Variants in MITF observed in about 807,000 individuals in gnomAD.
MITF encodes microphthalmia-associated transcription factor.
A neutral mutation model predicts 60.5 loss-of-function variants in MITF; 17 were observed. The ratio of observed to expected loss-of-function variants is 0.28; its 90% CI spans 0.19 to 0.42. MITF has a LOEUF of 0.42. Among genes scored for constraint, MITF ranks in the 10% least tolerant of loss-of-function variants. The pLI is 1.00. For synonymous variants in MITF, 260 were observed against 248.5 expected (o/e 1.05, Z -0.43); for missense variants, 622 against 683.5 (o/e 0.91, Z 1.00).
intron 1 of MITF, among the ~76,000 whole-genome samples, chr3:69,843,871 C>T (rs553856598): frequency 6.6e-6 from 1 of 152,248 alleles, no homozygotes; most frequent in Non-Finnish European, 1.5e-5. Flanking sequence ...TTAGGTATTT[C>T]TCCTAATGCT....
At chr3:69,769,142 C>A (rs2062351491) in intron 1 of MITF, among the ~76,000 whole-genome samples, 1 of 152,120 alleles carries the variant, frequency 6.6e-6, no homozygotes, top group Admixed American at 6.5e-5. Context: ...CTTTGTTGTA[C>A]TACTGTATGA....
intron 2 of MITF, among the ~76,000 whole-genome samples, chr3:69,914,137 T>G (rs1159316992): frequency 6.6e-6 from 1 of 152,212 alleles, no homozygotes; most frequent in African/African-American, 2.4e-5. Flanking sequence ...TTGTTTGTTT[T>G]TTGAGTTGGA....
chr3:69,936,517 T>A, intron 2 of MITF: 2 of 1,272,744 alleles, frequency 1.6e-6, no homozygotes, highest in Non-Finnish European at 2.0e-6. Context: ...AAGGCCCTTA[T>A]GTGAACGTTT....
At chr3:69,950,434 A>T (rs1335314695) in intron 6 of MITF, among the ~76,000 whole-genome samples, 1 of 146,204 alleles carries the variant, frequency 6.8e-6, no homozygotes, top group African/African-American at 2.5e-5. Context: ...AACTGAAAGA[A>T]TTCAACTTCT....
chr3:69,963,901 G>C (rs1410451548), intron 9 of MITF, among the ~76,000 whole-genome samples: 2 of 151,166 alleles, frequency 1.3e-5, no homozygotes, highest in African/African-American at 4.9e-5. Flanking sequence ...GGACCTCAGT[G>C]CAAAGCTGAA....
chr3:69,883,310 T>A (rs1291581289), intron 2 of MITF, among the ~76,000 whole-genome samples: 2 of 152,150 alleles, frequency 1.3e-5, no homozygotes, highest in East Asian at 3.9e-4. Flanking sequence ...TAAACTAAAT[T>A]TACGTGGGCA....
At chr3:69,878,314 T>G (rs981817383) in intron 1 of MITF, among the ~76,000 whole-genome samples, 11 of 152,136 alleles carry the variant, frequency 7.2e-5, no homozygotes, top group Non-Finnish European at 1.5e-5. Context: ...TTAGGAAAAT[T>G]AGGAAGTTTT....
In MITF at chr3:69,879,340, C is replaced by G. The variant is rs1410219254; in HGVS notation, c.311C>G (p.Thr104Ser). The change falls in exon 2 of 10, where the codon ACC (threonine) becomes AGC (serine). Residue 104 changes from threonine (T) to serine (S), a missense_variant. Coordinates refer to ENST00000352241, the MANE Select transcript of MITF (RefSeq NM_001354604.2). ...CCAGCCATAAACGTCAGTGTGCCCA[C>G]CACCCTTCCCTCTGCCACGCAGGTG... Reference protein sequence around the residue: ...QTPAINVSVPTTLPSATQVPM... With the variant: ...QTPAINVSVPSTLPSATQVPM... 2.5e-6 allele frequency: 4 copies of G among 1,614,194 alleles called. No individual in the cohort carries two copies. The highest frequency in any genetic ancestry group is 1.7e-6 in the Non-Finnish European group (2 of 1,180,040).
intron 1 of MITF, among the ~76,000 whole-genome samples, chr3:69,869,119 T>C (rs2064173731): frequency 1.3e-5 from 2 of 152,180 alleles, no homozygotes; most frequent in African/African-American, 2.4e-5. Context: ...TCTAAGGTTC[T>C]AGTATTATTA....
chr3:69,812,753 A>T (rs764523195), intron 1 of MITF, among the ~76,000 whole-genome samples: 7 of 152,198 alleles, frequency 4.6e-5, no homozygotes, highest in Non-Finnish European at 1.0e-4. Flanking sequence ...TCAGCAAAGA[A>T]CAAGAATTAG....
At chr3:69,917,846 T>C (rs2065371502) in intron 2 of MITF, among the ~76,000 whole-genome samples, 1 of 152,040 alleles carries the variant, frequency 6.6e-6, no homozygotes, top group African/African-American at 2.4e-5. Context: ...TTTTTTGTTT[T>C]TGTTTTTGTT....
At chr3:69,961,373 C>T (rs2066541312) in intron 9 of MITF, among the ~76,000 whole-genome samples, 1 of 148,058 alleles carries the variant, frequency 6.8e-6, no homozygotes, top group Non-Finnish European at 1.5e-5. Context: ...CAGAGTGAGA[C>T]TCCATCTCAA....
intron 2 of MITF, among the ~76,000 whole-genome samples, chr3:69,931,223 G>A (rs938584164): frequency 7.2e-5 from 11 of 152,104 alleles, no homozygotes; most frequent in Admixed American, 6.5e-5. Context: ...TTAAAACATC[G>A]TGCTATATAA....
At chr3:69,953,506 A>G (rs1385621888) in intron 7 of MITF, among the ~76,000 whole-genome samples, 1 of 151,944 alleles carries the variant, frequency 6.6e-6, no homozygotes, top group Admixed American at 6.6e-5. Flanking sequence ...TTTTGTAAGA[A>G]TATTGCCAAA....
intron 1 of MITF, among the ~76,000 whole-genome samples, chr3:69,877,422 C>T (rs1373023025): frequency 1.3e-5 from 2 of 149,604 alleles, no homozygotes; most frequent in Non-Finnish European, 1.5e-5. Flanking sequence ...TATTCTTATG[C>T]TTTTTGTTGT....
chr3:69,861,165 T>C (rs1253359409), intron 1 of MITF, among the ~76,000 whole-genome samples: 1 of 152,232 alleles, frequency 6.6e-6, no homozygotes, highest in African/African-American at 2.4e-5. Flanking sequence ...TTTATGACTA[T>C]TGACTTTCTT....
intron 1 of MITF, among the ~76,000 whole-genome samples, chr3:69,845,342 A>G (rs1169133985): frequency 6.6e-6 from 1 of 151,662 alleles, no homozygotes; most frequent in East Asian, 1.9e-4. Context: ...AAGTGATTTC[A>G]GCTATTTTTC....
chr3:69,959,173 A>G (rs2066476491), intron 8 of MITF, 100 bp from the exon 9 acceptor site: 1 of 1,418,232 alleles, frequency 7.1e-7, no homozygotes, highest in Non-Finnish European at 9.6e-7. Flanking sequence ...AATAAAAAAA[A>G]ATTTTAAAAA....
intron 1 of MITF, among the ~76,000 whole-genome samples, chr3:69,860,326 G>T (rs2063989480): frequency 6.6e-6 from 1 of 152,096 alleles, no homozygotes; most frequent in Admixed American, 6.5e-5. Context: ...TTCACTTTAG[G>T]CTGGGCGCGG....
Sources: gnomAD v4.1 joint callset for allele counts (sites outside exome capture counted in the v4.1 genomes callset) on GRCh38, gnomAD v4.1.1 for gene constraint, MANE v1.5 for transcripts, NCBI Gene and HGNC (gene_info 2026-07-23, HGNC 2026-07-21) for gene names.